LRFN5: variants seen among roughly 807,000 people sequenced by gnomAD.
The protein encoded by LRFN5 is leucine rich repeat and fibronectin type III domain containing 5, also known as leucine-rich repeat and fibronectin type-III domain-containing protein 5.
LRFN5 carries 24 observed loss-of-function variants against 45.6 expected under a neutral mutation model. The observed-to-expected ratio is 0.53, with a 90% CI of 0.38 to 0.74. The LOEUF (loss-of-function observed/expected upper bound fraction) is 0.74. Ranked by LOEUF, LRFN5 falls within the 30% of genes least tolerant of loss-of-function variation. The pLI is 0.00. For missense variants in LRFN5, 776 were observed against 861.5 expected, an observed-to-expected ratio of 0.90 and a Z score of 1.24; for synonymous variants, 340 against 313.8, an observed-to-expected ratio of 1.08 and a Z score of -0.88.
intron 3 of LRFN5, among the ~76,000 whole-genome samples, chr14:41,889,626 G>T (rs1158175848): frequency 1.3e-5 from 2 of 152,018 alleles, no homozygotes; most frequent in African/African-American, 2.4e-5. Flanking sequence ...GTAAAATTCT[G>T]TTTAATCTTG....
chr14:41,631,578 G>A (rs1180841115), intron 1 of LRFN5, among the ~76,000 whole-genome samples: 1 of 152,046 alleles, frequency 6.6e-6, no homozygotes, highest in African/African-American at 2.4e-5. Flanking sequence ...AATTATGAAG[G>A]AAAATAGTGA....
At chr14:41,717,878 A>C (rs958080832) in intron 1 of LRFN5, among the ~76,000 whole-genome samples, 1 of 152,160 alleles carries the variant, frequency 6.6e-6, no homozygotes, top group Non-Finnish European at 1.5e-5. Flanking sequence ...TGGTAGGCCA[A>C]AAGTTACTAG....
At chr14:41,785,808 A>AG (rs1425615365) in intron 2 of LRFN5, among the ~76,000 whole-genome samples, 1 of 152,180 alleles carries the variant, frequency 6.6e-6, no homozygotes, top group Non-Finnish European at 1.5e-5. Context: ...AAAGGCATGC[A>AG]GCCTACATCC....
At chr14:41,855,980 A>T (rs1403365914) in intron 2 of LRFN5, among the ~76,000 whole-genome samples, 3 of 152,092 alleles carry the variant, frequency 2.0e-5, no homozygotes, top group African/African-American at 7.2e-5. Flanking sequence ...TAAGAAATCA[A>T]CCTGTTACCT....
intron 1 of LRFN5, among the ~76,000 whole-genome samples, chr14:41,765,054 A>G (rs2038362): frequency 0.63 from 95,613 of 151,958 alleles, 31,170 homozygotes; most frequent in East Asian, 0.95. Flanking sequence ...AAAGAAACAG[A>G]GCACAGGCCG....
At chr14:41,801,381 A>G (rs1331795391) in intron 2 of LRFN5, among the ~76,000 whole-genome samples, 1 of 152,162 alleles carries the variant, frequency 6.6e-6, no homozygotes, top group Non-Finnish European at 1.5e-5. Context: ...ATTATTCTTA[A>G]TCTTTCATTT....
chr14:41,682,702 G>A (rs767101792), intron 1 of LRFN5, among the ~76,000 whole-genome samples: 3 of 152,104 alleles, frequency 2.0e-5, no homozygotes, highest in Admixed American at 6.6e-5. Flanking sequence ...TGGAAGAAAT[G>A]GATACATTCC....
At chr14:41,629,109 CA>C (rs147563801) in intron 1 of LRFN5, among the ~76,000 whole-genome samples, 10 of 151,590 alleles carry the variant, frequency 6.6e-5, no homozygotes, top group African/African-American at 1.9e-4. Context: ...TCTACATTTG[CA>C]AAAAAAATAC....
chr14:41,725,853 T>C (rs1883908611), intron 1 of LRFN5, among the ~76,000 whole-genome samples: 1 of 152,196 alleles, frequency 6.6e-6, no homozygotes, highest in Non-Finnish European at 1.5e-5. Context: ...TATTTACTTT[T>C]AACTCTCCAA....
At chr14:41,775,093 C>CTTTTCTTT (rs1555316714) in intron 2 of LRFN5, among the ~76,000 whole-genome samples, 3 of 112,492 alleles carry the variant, frequency 2.7e-5, no homozygotes, top group South Asian at 5.9e-4. Flanking sequence ...TTTTCTTTTT[C>CTTTTCTTT]TTTTTTTTTT....
chr14:41,670,294 TATATATATATACAC>T (rs1171578100), intron 1 of LRFN5, among the ~76,000 whole-genome samples: 2 of 64,646 alleles, frequency 3.1e-5, no homozygotes, highest in Non-Finnish European at 5.6e-5. Context: ...TATATATATA[TATATATATATACAC>T]ACACACAGAA....
intron 1 of LRFN5, among the ~76,000 whole-genome samples, chr14:41,711,891 C>T (rs998578581): frequency 6.6e-6 from 1 of 152,052 alleles, no homozygotes; most frequent in Admixed American, 6.6e-5. Context: ...CATGTGTATG[C>T]ACACATATAT....
chr14:41,821,330 TA>T (rs1888105606), intron 2 of LRFN5, among the ~76,000 whole-genome samples: 1 of 151,994 alleles, frequency 6.6e-6, no homozygotes. Flanking sequence ...TTAATTTTAT[TA>T]TTTTTTTAAT....
chr14:41,888,875 T>C (rs1376396311), intron 3 of LRFN5, among the ~76,000 whole-genome samples: 2 of 151,954 alleles, frequency 1.3e-5, no homozygotes, highest in Non-Finnish European at 2.9e-5. Context: ...GACATATTTT[T>C]ACCCTTTCAT....
intron 1 of LRFN5, among the ~76,000 whole-genome samples, chr14:41,694,447 T>C (rs186460166): frequency 6.6e-4 from 100 of 152,092 alleles, no homozygotes; most frequent in Non-Finnish European, 1.1e-3. Context: ...AGTATTTGTC[T>C]TTCTGTGCCT....
chr14:41,782,521 G>C (rs1393430023), intron 2 of LRFN5, among the ~76,000 whole-genome samples: 1 of 152,038 alleles, frequency 6.6e-6, no homozygotes, highest in African/African-American at 2.4e-5. Context: ...AGTCATATTT[G>C]AATCTTGTTG....
intron 1 of LRFN5, among the ~76,000 whole-genome samples, chr14:41,687,600 A>G (rs763882353): frequency 7.8e-4 from 119 of 152,340 alleles, no homozygotes; most frequent in Non-Finnish European, 1.2e-3. Flanking sequence ...ATGTCCATCA[A>G]TGATAGACTG....
chr14:41,611,606 AC>A (rs1409710669), intron 1 of LRFN5, among the ~76,000 whole-genome samples: 6 of 152,172 alleles, frequency 3.9e-5, no homozygotes, highest in Non-Finnish European at 7.4e-5. Flanking sequence ...TGATTCTTGT[AC>A]CTCGGATAAT....
intron 2 of LRFN5, among the ~76,000 whole-genome samples, chr14:41,872,391 A>G (rs570370485): frequency 7.7e-4 from 117 of 152,346 alleles, no homozygotes; most frequent in African/African-American, 2.7e-3. Flanking sequence ...TCATTTTAGC[A>G]TATTCATATT....
Sources: gnomAD v4.1 joint callset for allele counts (sites outside exome capture counted in the v4.1 genomes callset) on GRCh38, gnomAD v4.1.1 for gene constraint, MANE v1.5 for transcripts, NCBI Gene and HGNC (gene_info 2026-07-23, HGNC 2026-07-21) for gene names.